ADIPOR2: variants seen among roughly 807,000 people sequenced by gnomAD.
ADIPOR2 encodes the protein adiponectin receptor protein 2.
Under a neutral mutation model 40.9 loss-of-function variants are expected in ADIPOR2, and 18 were observed. The ratio of observed to expected loss-of-function variants is 0.44; its 90% confidence interval spans 0.30 to 0.65. The LOEUF is 0.65. Among genes scored for constraint, ADIPOR2 ranks in the 30% least tolerant of loss-of-function variants. ADIPOR2 has a pLI of 0.09. For synonymous variants in ADIPOR2, 165 were observed against 166.4 expected, an observed-to-expected ratio of 0.99 and a Z score of 0.06; for missense variants, 283 against 479.2, an observed-to-expected ratio of 0.59 and a Z score of 3.82.
rs61103407 is a variant in ADIPOR2, at chr12:1,703,914, A to G, written c.-87+12723A>G. On this transcript the variant is annotated intron_variant, in intron 1 of 7. Coordinates refer to ENST00000357103, the MANE Select transcript of ADIPOR2 (RefSeq NM_024551.3). The stretch of plus-strand genomic sequence containing the variant: ...AGTTTTGTGAGGACAGGATCTCACT[A>G]TGTTGCCCAGGCTGGTCTCAAACTC... 5.7e-3 allele frequency among the ~76,000 whole-genome samples: 864 copies of G among 150,920 alleles called. 6 individuals are homozygous for G. Among genetic ancestry groups the G allele is most frequent in the African/African-American group, 0.019 (788 of 41,064 alleles).
chr12:1,765,305 T>G, intron 2 of ADIPOR2, among the ~76,000 whole-genome samples: 1 of 152,194 alleles, frequency 6.6e-6, no homozygotes, highest in Non-Finnish European at 1.5e-5. Context: ...CAGATTACAT[T>G]TAATGTGCAT....
At chr12:1,743,126 T>C (rs1238431283) in intron 1 of ADIPOR2, among the ~76,000 whole-genome samples, 1 of 151,032 alleles carries the variant, frequency 6.6e-6, no homozygotes, top group Non-Finnish European at 1.5e-5. Context: ...ATGTGGTTGC[T>C]CATGCCTGTA....
chr12:1,763,628 G>T (rs1862314269), intron 2 of ADIPOR2, among the ~76,000 whole-genome samples: 1 of 152,114 alleles, frequency 6.6e-6, no homozygotes, highest in South Asian at 2.1e-4. Context: ...ATAAAAAATA[G>T]ATTGGTGGTT....
intron 1 of ADIPOR2, among the ~76,000 whole-genome samples, chr12:1,700,034 T>G (rs2094647110): frequency 6.6e-6 from 1 of 152,232 alleles, no homozygotes; most frequent in Non-Finnish European, 1.5e-5. Context: ...AAAAGGACAC[T>G]TAAGTTTTTT....
chr12:1,730,256 A>G (rs1471080028), intron 1 of ADIPOR2, among the ~76,000 whole-genome samples: 1 of 150,706 alleles, frequency 6.6e-6, no homozygotes, highest in Non-Finnish European at 1.5e-5. Context: ...ACTTAGGGGG[A>G]AAAGTTGTGA....
In ADIPOR2 at chr12:1,781,027, C is replaced by G. The variant is rs749620331; in HGVS notation, c.789C>G (p.Val263=). 1.9e-4 allele frequency: 308 copies of G among 1,613,240 alleles called. 1 individual carries two copies. The highest frequency in any genetic ancestry group is 2.5e-4 in the Non-Finnish European group (294 of 1,179,724). Residue 263 remains valine (V), a synonymous_variant, in exon 6 of 8, where the codon GTC becomes GTG. Coordinates refer to ENST00000357103, the MANE Select transcript of ADIPOR2 (RefSeq NM_024551.3). ...ICVLGIAAII[V]SQWDMFATPQ... ...TGCTGGGCATTGCAGCCATTATAGT[C>G]TCCCAGTGGGACATGTTTGCCACCC...
intron 6 of ADIPOR2, among the ~76,000 whole-genome samples, chr12:1,783,334 A>G (rs900280092): frequency 6.6e-6 from 1 of 151,662 alleles, no homozygotes; most frequent in Non-Finnish European, 1.5e-5. Context: ...ATTTAGCAAC[A>G]TTAATTCAAA....
chr12:1,737,257 G>A (rs1338288611), intron 1 of ADIPOR2, among the ~76,000 whole-genome samples: 3 of 152,164 alleles, frequency 2.0e-5, no homozygotes, highest in Non-Finnish European at 2.9e-5. Context: ...CAGATACAGA[G>A]TTTATGTACA....
chr12:1,737,209 C>T (rs2094732751), intron 1 of ADIPOR2, among the ~76,000 whole-genome samples: 1 of 152,144 alleles, frequency 6.6e-6, no homozygotes, highest in Non-Finnish European at 1.5e-5. Flanking sequence ...GAAATTGTAG[C>T]CTGTATATAT....
chr12:1,724,598 A>G (rs1326710189), intron 1 of ADIPOR2, among the ~76,000 whole-genome samples: 1 of 152,204 alleles, frequency 6.6e-6, no homozygotes, highest in African/African-American at 2.4e-5. Flanking sequence ...AAATGTACTC[A>G]GTAACATTAA....
chr12:1,753,626 T>C (rs1198634039), intron 1 of ADIPOR2, among the ~76,000 whole-genome samples: 2 of 152,196 alleles, frequency 1.3e-5, no homozygotes, highest in Non-Finnish European at 2.9e-5. Flanking sequence ...ATGGATAATA[T>C]GTGCTTATAA....
At position 1,783,874 on chromosome 12, in the gene ADIPOR2, T is replaced by C; in HGVS notation, c.839-6T>C. The C allele has an allele frequency of 6.3e-7, 1 of 1,592,530 alleles. No individual in the cohort carries two copies. The highest frequency in any genetic ancestry group is 8.6e-7 in the Non-Finnish European group (1 of 1,168,168). On this transcript the variant is annotated splice_region_variant and splice_polypyrimidine_tract_variant and intron_variant, in intron 6 of 7. Coordinates refer to ENST00000357103, the MANE Select transcript of ADIPOR2 (RefSeq NM_024551.3). Reference sequence around the variant, plus strand: ...CATTACTTTACTCTCTTCTTGTGACTCCTAGGAGTGTTTTTGGGCCTAGGC... The same window carrying C: ...CATTACTTTACTCTCTTCTTGTGACCCCTAGGAGTGTTTTTGGGCCTAGGC...
chr12:1,691,471 C>T (rs916198551), intron 1 of ADIPOR2, among the ~76,000 whole-genome samples: 1 of 152,146 alleles, frequency 6.6e-6, no homozygotes, highest in African/African-American at 2.4e-5. Flanking sequence ...CCCCTCGCCT[C>T]GCCTTTCGCG....
chr12:1,748,987 A>G (rs2094763120), intron 1 of ADIPOR2, among the ~76,000 whole-genome samples: 1 of 152,198 alleles, frequency 6.6e-6, no homozygotes, highest in South Asian at 2.1e-4. Flanking sequence ...CGGGGCCTCC[A>G]GAACTTCTGA....
At chr12:1,739,370 A>G (rs2094737836) in intron 1 of ADIPOR2, among the ~76,000 whole-genome samples, 1 of 152,198 alleles carries the variant, frequency 6.6e-6, no homozygotes, top group Non-Finnish European at 1.5e-5. Flanking sequence ...AAGCCTTGAG[A>G]TTTCCCTCTC....
chr12:1,732,406 A>G (rs904758164), intron 1 of ADIPOR2, among the ~76,000 whole-genome samples: 1 of 152,206 alleles, frequency 6.6e-6, no homozygotes, highest in Non-Finnish European at 1.5e-5. Flanking sequence ...GGAGTCATAT[A>G]ATATGTAATC....
Position 1,703,230 on chromosome 12 carries a change from A to G in ADIPOR2, c.-87+12039A>G, listed in dbSNP as rs570759714. On this transcript the variant is annotated intron_variant, in intron 1 of 7. Coordinates refer to ENST00000357103, the MANE Select transcript of ADIPOR2 (RefSeq NM_024551.3). ...TGAAAATGCCTACTATATACTAGTT[A>G]AGTTTTTTAAAAAGTATTTTGCAGA... Among the ~76,000 whole-genome samples, 5 of 152,376 alleles carry G rather than the reference A, an allele frequency of 3.3e-5. No homozygotes were observed. The East Asian group carries it at 9.6e-4, about 29-fold the overall frequency.
intron 1 of ADIPOR2, among the ~76,000 whole-genome samples, chr12:1,736,590 GT>G (rs947785693): frequency 6.6e-6 from 1 of 152,030 alleles, no homozygotes; most frequent in African/African-American, 2.4e-5. Context: ...TTTTTGAAGG[GT>G]TTTTTTGTGT....
intron 6 of ADIPOR2, among the ~76,000 whole-genome samples, chr12:1,783,158 G>A (rs1283407109): frequency 6.0e-5 from 9 of 151,238 alleles, no homozygotes; most frequent in Non-Finnish European, 1.3e-4. Flanking sequence ...ATTAAAAATA[G>A]GTGATGCCAG....
Sources: allele counts gnomAD v4.1 joint callset (sites outside exome capture counted in the v4.1 genomes callset), GRCh38; gene constraint gnomAD v4.1.1; transcripts MANE v1.5; gene names NCBI Gene and HGNC (gene_info 2026-07-23, HGNC 2026-07-21).